BMPR2: variants seen among roughly 807,000 people sequenced by gnomAD.
The protein encoded by BMPR2 is bone morphogenetic protein receptor type-2.
Under a neutral mutation model 100.8 loss-of-function variants are expected in BMPR2, and 29 were observed. That is an observed-to-expected ratio of 0.29 (90% CI 0.21 to 0.39). The LOEUF (loss-of-function observed/expected upper bound fraction) is 0.39. Among genes scored for constraint, BMPR2 ranks in the 10% least tolerant of loss-of-function variants. The pLI, the probability that BMPR2 is intolerant of heterozygous loss-of-function variation, is 1.00. For synonymous variants in BMPR2, 382 were observed against 442.3 expected (o/e 0.86, Z 1.71); for missense variants, 1,011 against 1,274.5 (o/e 0.79, Z 3.15).
intron 1 of BMPR2, among the ~76,000 whole-genome samples, chr2:202,395,879 G>A (rs1186058211): frequency 6.6e-6 from 1 of 152,156 alleles, no homozygotes; most frequent in Non-Finnish European, 1.5e-5. Context: ...GGAGGTTGCA[G>A]TGAGCTGAGA....
intron 1 of BMPR2, among the ~76,000 whole-genome samples, chr2:202,418,123 G>A (rs372546145): frequency 3.3e-4 from 50 of 152,060 alleles, no homozygotes; most frequent in African/African-American, 1.1e-3. Context: ...GTGATTTGCC[G>A]TACTGTGATA....
In BMPR2 at chr2:202,380,965, CTTTTTTTT is replaced by C. The variant is rs1159400445; in HGVS notation, c.76+3435_76+3442del. Among the ~76,000 whole-genome samples, 44 of 70,782 alleles carry C rather than the reference CTTTTTTTT, an allele frequency of 6.2e-4. 1 individual carries two copies. The highest frequency in any genetic ancestry group is 1.1e-3 in the Non-Finnish European group (40 of 35,976). 46.4% of individuals were successfully genotyped at this position (70,782 alleles called of 152,430 possible). ...GCCCTGGCCCTGGATTTCTTTCTTT[CTTTTTTTT>C]TTTTTTTTTTTTTTTTTTTGAGACA... is the stretch of plus-strand genomic sequence containing the variant. On this transcript the variant is annotated intron_variant, in intron 1 of 12. Coordinates refer to ENST00000374580, the MANE Select transcript of BMPR2 (RefSeq NM_001204.7).
intron 1 of BMPR2, among the ~76,000 whole-genome samples, chr2:202,444,875 G>A (rs1325631067): frequency 2.7e-5 from 4 of 150,582 alleles, no homozygotes; most frequent in Non-Finnish European, 5.9e-5. Context: ...TGCATCCTCC[G>A]CCTCCCGGGT....
At chr2:202,531,080 A>T (rs2106018447) in intron 8 of BMPR2, 126 bp downstream of exon 8, 1 of 1,128,166 alleles carries the variant, frequency 8.9e-7, no homozygotes, top group East Asian at 2.6e-5. Flanking sequence ...AGGTGGGTGG[A>T]TCACCTAAGG....
chr2:202,440,559 C>T (rs536345442), intron 1 of BMPR2, among the ~76,000 whole-genome samples: 4 of 150,720 alleles, frequency 2.7e-5, no homozygotes, highest in South Asian at 4.2e-4. Flanking sequence ...ACTTCCCAGA[C>T]GGGGTGGCGG....
rs951644566 is a variant in BMPR2 at position 202,514,820 on chromosome 2, T to C, written c.530-68T>C. The C allele has an allele frequency of 9.5e-6, 12 of 1,265,744 alleles. No homozygotes were observed. In the African/African-American group the frequency reaches 1.2e-4, roughly 13 times the overall value. The allele number at this position is 1,265,744 out of a possible 1,614,324, so 78.4% of individuals were successfully genotyped here. A position where few individuals can be genotyped will look rare whatever the true frequency, so the allele number is the denominator to read the frequency against. ...GCTCTTCTTTTTAAGTGTAATATTA[T>C]AAAAAGTGTAAAAAGATATTCATTT... On this transcript the variant is annotated intron_variant, in intron 4 of 12. Coordinates refer to ENST00000374580, the MANE Select transcript of BMPR2 (RefSeq NM_001204.7).
intron 1 of BMPR2, among the ~76,000 whole-genome samples, chr2:202,444,070 C>T (rs1574452407): frequency 6.6e-6 from 1 of 150,588 alleles, no homozygotes; most frequent in African/African-American, 2.5e-5. Flanking sequence ...CTCCAAATAT[C>T]CCCTGGGGCG....
intron 3 of BMPR2, among the ~76,000 whole-genome samples, chr2:202,493,108 T>C (rs1692942430): frequency 6.6e-6 from 1 of 152,228 alleles, no homozygotes; most frequent in African/African-American, 2.4e-5. Flanking sequence ...TTGAGTGACA[T>C]AGTCTTTGGT....
intron 3 of BMPR2, among the ~76,000 whole-genome samples, chr2:202,512,314 C>T (rs967050415): frequency 2.0e-5 from 3 of 152,248 alleles, no homozygotes; most frequent in South Asian, 4.2e-4. Flanking sequence ...AGTCATCAAG[C>T]GCAGCTTCTG....
At chr2:202,484,985 A>AAG (rs1553505282) in intron 3 of BMPR2, among the ~76,000 whole-genome samples, 6 of 148,742 alleles carry the variant, frequency 4.0e-5, no homozygotes, top group African/African-American at 7.5e-5. Flanking sequence ...AAAAAAAAAA[A>AAG]AAAGAAAGAA....
At chr2:202,488,146 A>T (rs1276791530) in intron 3 of BMPR2, among the ~76,000 whole-genome samples, 1 of 152,178 alleles carries the variant, frequency 6.6e-6, no homozygotes, top group Non-Finnish European at 1.5e-5. Context: ...GGCAATAAAG[A>T]GGTGAATACG....
In BMPR2 at chr2:202,385,538, G is replaced by C. The variant is rs1690409744; in HGVS notation, c.76+7988G>C. Among the ~76,000 whole-genome samples the C allele has an allele frequency of 3.3e-5, 5 of 150,418 alleles. No homozygotes were observed. The South Asian group carries it at 1.0e-3, about 32-fold the overall frequency. ...GCGCCACCATGTCCGGCTAGTTTTT[G>C]TATTTTTAGTAGACACGGAGTTTCA... On this transcript the variant is annotated intron_variant, in intron 1 of 12. Transcript: ENST00000374580.
At chr2:202,428,057 C>T (rs978347761) in intron 1 of BMPR2, among the ~76,000 whole-genome samples, 15 of 152,086 alleles carry the variant, frequency 9.9e-5, no homozygotes, top group African/African-American at 2.2e-4. Flanking sequence ...ATTACAGTTC[C>T]GCATTCAGTG....
At chr2:202,381,571 C>T (rs775663584) in intron 1 of BMPR2, among the ~76,000 whole-genome samples, 3 of 152,156 alleles carry the variant, frequency 2.0e-5, no homozygotes, top group Non-Finnish European at 2.9e-5. Flanking sequence ...TATCAAAGTA[C>T]ACTTTGCCTG....
intron 1 of BMPR2, among the ~76,000 whole-genome samples, chr2:202,420,537 ATTTTTTTTTTTTTT>A (rs10555458): frequency 3.4e-5 from 2 of 58,980 alleles, no homozygotes; most frequent in East Asian, 7.2e-4. Context: ...TAGAAGCATG[ATTTTTTTTTTTTTT>A]TTTTTTTTTT....
At chr2:202,461,895 CT>C (rs1309918390) in intron 1 of BMPR2, among the ~76,000 whole-genome samples, 1 of 151,528 alleles carries the variant, frequency 6.6e-6, no homozygotes, top group South Asian at 2.1e-4. Context: ...ATACTTTTTT[CT>C]TTTTTTATCA....
chr2:202,476,254 A>G (rs1222272876), intron 3 of BMPR2, among the ~76,000 whole-genome samples: 1 of 134,020 alleles, frequency 7.5e-6, no homozygotes, highest in Middle Eastern at 3.3e-3. Flanking sequence ...TAGGATTTCC[A>G]ATTCCATGTG....
rs1436040394 is a variant in BMPR2 at position 202,377,109 on chromosome 2, G to T, written c.-366G>T. Reference sequence around the variant, plus strand: ...TCGAATCCCCGCCCTCCGCACCCTGGATATGTTTTCTCCCAGACCTGGATA... The same window carrying T: ...TCGAATCCCCGCCCTCCGCACCCTGTATATGTTTTCTCCCAGACCTGGATA... On this transcript the variant is annotated 5_prime_UTR_variant, in exon 1 of 13. Transcript: ENST00000374580. 1.8e-6 allele frequency: 1 copy of T among 562,230 alleles called. No homozygotes were observed. Among genetic ancestry groups the T allele is most frequent in the Non-Finnish European group, 3.1e-6 (1 of 318,792 alleles). The allele number at this position is 562,230 out of a possible 1,614,324, so 34.8% of individuals were successfully genotyped here. A position where few individuals can be genotyped will look rare whatever the true frequency, so the allele number is the denominator to read the frequency against.
intron 1 of BMPR2, among the ~76,000 whole-genome samples, chr2:202,429,134 A>G (rs935694440): frequency 6.6e-6 from 1 of 152,074 alleles, no homozygotes; most frequent in Admixed American, 6.5e-5. Flanking sequence ...GTATTATTGC[A>G]GTAGGTTTCT....
Sources: gnomAD v4.1 joint callset for allele counts (sites outside exome capture counted in the v4.1 genomes callset) on GRCh38, gnomAD v4.1.1 for gene constraint, MANE v1.5 for transcripts, NCBI Gene and HGNC (gene_info 2026-07-23, HGNC 2026-07-21) for gene names.